Variants in FHIP2A observed in about 807,000 individuals in gnomAD.
FHIP2A encodes the protein FHF complex subunit HOOK interacting protein 2A, also known as family with sequence similarity 160 member B1.
A neutral mutation model predicts 93.5 loss-of-function variants in FHIP2A; 46 were observed. The observed-to-expected ratio is 0.49, with a 90% CI of 0.39 to 0.63. The LOEUF (loss-of-function observed/expected upper bound fraction) is 0.63. Ranked by LOEUF, FHIP2A falls within the 20% of genes least tolerant of loss-of-function variation. The pLI is 0.00. For synonymous variants in FHIP2A, 332 were observed against 326.5 expected, an observed-to-expected ratio of 1.02 and a Z score of -0.18; for missense variants, 769 against 909.7, an observed-to-expected ratio of 0.85 and a Z score of 1.99.
At position 114,862,219 on chromosome 10, in the gene FHIP2A, G is replaced by A. The variant is rs1258552932; in HGVS notation, c.*679G>A. ...CTTTTGTGCACATAGCCATGTTAGT[G>A]ATTTTCTTCATGTGTGGGTCCCAGT... On this transcript the variant is annotated 3_prime_UTR_variant, in exon 17 of 17. Transcript: ENST00000369248. 2 of 979,538 alleles carry A rather than the reference G, an allele frequency of 2.0e-6. No individual in the cohort carries two copies. The highest frequency in any genetic ancestry group is 6.2e-5 in the Admixed American group (1 of 16,242). 60.7% of individuals were successfully genotyped at this position (979,538 alleles called of 1,614,324 possible).
chr10:114,870,021 T>A (rs1219459362), intron 16 of FHIP2A, among the ~76,000 whole-genome samples: 1 of 152,202 alleles, frequency 6.6e-6, no homozygotes, highest in East Asian at 1.9e-4. Context: ...TAATTTGACA[T>A]AGATAATTCT....
intron 13 of FHIP2A, 96 bp downstream of exon 13, chr10:114,848,833 A>T: frequency 1.3e-6 from 1 of 777,122 alleles, no homozygotes; most frequent in Non-Finnish European, 2.1e-6. Flanking sequence ...CAAGGAAATG[A>T]CTTCATTCTT....
Position 114,833,263 on chromosome 10 carries a change from T to G in FHIP2A, c.155T>G (p.Ile52Ser). ...AAAGCCCCAGTGACCGATACAAATA[T>G]TCCATCGCATCTGGAACAGATGTTA... Reference protein sequence around the residue: ...DDKAPVTDTNIPSHLEQMLDI... With the variant: ...DDKAPVTDTNSPSHLEQMLDI... The change falls in exon 3 of 17, where the codon ATT becomes AGT. Residue 52 changes from isoleucine to serine, a missense_variant. By Grantham distance (142) the Ile-to-Ser change is moderately radical. Coordinates refer to ENST00000369248, the MANE Select transcript of FHIP2A (RefSeq NM_020940.4). The G allele has an allele frequency of 6.2e-7, 1 of 1,612,382 alleles. No individual in the cohort carries two copies. The highest frequency in any genetic ancestry group is 8.5e-7 in the Non-Finnish European group (1 of 1,179,314).
Position 114,855,298 on chromosome 10 carries a change from T to C in FHIP2A, c.1905T>C (p.Phe635=). Residue 635 remains phenylalanine (F), a synonymous_variant, in exon 14 of 17, where the codon TTT becomes TTC. Coordinates refer to ENST00000369248, the MANE Select transcript of FHIP2A (RefSeq NM_020940.4). ...AAGCTGCTTTCTTTGAAGGTCATTT[T>C]TTGAAAGTGCTGTTCGACAGAATGG... The part of the protein sequence containing the change: ...NLEAAFFEGH[F]LKVLFDRMGR... 1.5e-5 allele frequency: 25 copies of C among 1,614,090 alleles called. No individual in the cohort carries two copies. The highest frequency in any genetic ancestry group is 2.1e-5 in the Non-Finnish European group (25 of 1,179,926).
Position 114,848,660 on chromosome 10 carries a change from G to A in FHIP2A, c.1726G>A (p.Val576Ile). 6.2e-7 allele frequency: 1 copy of A among 1,609,836 alleles called. No homozygotes were observed. The highest frequency in any genetic ancestry group is 8.5e-7 in the Non-Finnish European group (1 of 1,177,654). ...HKIVNSFLCLVPDDAKSSYHV... is the reference protein window; with the variant it reads ...HKIVNSFLCLIPDDAKSSYHV... The stretch of plus-strand genomic sequence containing the variant: ...TTTTCATTTAAGTTTTCTCTGTCTG[G>A]TACCGGATGACGCAAAATCCTCCTA... The change falls in exon 13 of 17, where the codon GTA becomes ATA. Residue 576 changes from valine to isoleucine, a missense_variant. Coordinates refer to ENST00000369248, the MANE Select transcript of FHIP2A (RefSeq NM_020940.4).
chr10:114,894,517 G>A (rs942143), intron 16 of FHIP2A, among the ~76,000 whole-genome samples: 56 of 152,132 alleles, frequency 3.7e-4, no homozygotes, highest in African/African-American at 1.2e-3. Flanking sequence ...TGCAGTGAGC[G>A]GTGATTGTGC....
rs1467322058 is a variant in FHIP2A at position 114,821,886 on chromosome 10, C to A, written c.-193C>A. The A allele has an allele frequency of 1.0e-5, 3 of 297,382 alleles. No individual in the cohort carries two copies. In the Admixed American group the frequency reaches 1.6e-4, roughly 16 times the overall value. 18.4% of individuals were successfully genotyped at this position (297,382 alleles called of 1,614,324 possible). A position where few individuals can be genotyped will look rare whatever the true frequency, so the allele number is the denominator to read the frequency against. ...GCCGCCCGCCGCGTCCCGGCGCCCTCCGGAGCCGCCGAGCCGCCCGCGCAC... is the reference window on the plus strand; with the variant it reads ...GCCGCCCGCCGCGTCCCGGCGCCCTACGGAGCCGCCGAGCCGCCCGCGCAC... On this transcript the variant is annotated 5_prime_UTR_variant, in exon 1 of 17. Coordinates refer to ENST00000369248, the MANE Select transcript of FHIP2A (RefSeq NM_020940.4).
chr10:114,891,677 C>T lies in FHIP2A; in HGVS notation c.2193-7813C>T, dbSNP rs192731562. Among the ~76,000 whole-genome samples, 36 of 151,078 alleles carry T rather than the reference C, an allele frequency of 2.4e-4. 1 individual carries two copies. The highest frequency in any genetic ancestry group is 2.1e-3 in the East Asian group (11 of 5,130). The stretch of plus-strand genomic sequence containing the variant: ...TGTCGCCCAGGTTGGAGTGCAGTGG[C>T]GTGATCTCAGCTCACTGTAACCTCC... On this transcript the variant is annotated intron_variant, in intron 16 of 16. Transcript: ENST00000369250.
intron 16 of FHIP2A, among the ~76,000 whole-genome samples, chr10:114,874,751 G>A (rs979425391): frequency 3.3e-5 from 5 of 152,118 alleles, no homozygotes; most frequent in Admixed American, 6.5e-5. Context: ...AGATCCGCCC[G>A]CCTCTGCCTC....
In FHIP2A at chr10:114,878,204, G is replaced by GA. The variant is rs1314813747; in HGVS notation, c.2192+16876dup. Among the ~76,000 whole-genome samples, 39 of 152,246 alleles carry GA rather than the reference G, an allele frequency of 2.6e-4. No individual in the cohort carries two copies. In the Middle Eastern group the frequency reaches 0.01, roughly 40 times the overall value. On this transcript the variant is annotated intron_variant, in intron 16 of 16. Transcript: ENST00000369250. ...AAGATGACCATTTTCTTAGGGCTTA[G>GA]AAAAAATTTTAGAAGCATTATGAAT...
chr10:114,860,855 C>G lies in FHIP2A; in HGVS notation c.2054C>G (p.Pro685Arg). The G allele has an allele frequency of 6.2e-7, 1 of 1,613,706 alleles. No individual in the cohort carries two copies. The highest frequency in any genetic ancestry group is 8.5e-7 in the Non-Finnish European group (1 of 1,179,660). ...YLLDPYVNLA[P>R]GCRSLFSVIV... ...TTGGATCCTTACGTGAACCTCGCTC[C>G]TGGCTGTAGATCTCTCTTCTCTGTA... The change falls in exon 15 of 17, where the codon CCT (proline) becomes CGT (arginine). Residue 685 changes from proline to arginine, a missense_variant. Coordinates refer to ENST00000369248, the MANE Select transcript of FHIP2A (RefSeq NM_020940.4).
chr10:114,842,206 G>A (rs1231599373), intron 5 of FHIP2A, among the ~76,000 whole-genome samples: 2 of 151,996 alleles, frequency 1.3e-5, no homozygotes, highest in East Asian at 1.9e-4. Flanking sequence ...GACCATAGGT[G>A]CAAGCCACCA....
Position 114,862,772 on chromosome 10 carries a change from T to C in FHIP2A, c.*1232T>C, listed in dbSNP as rs2083807983. The C allele has an allele frequency of 1.0e-6, 1 of 985,480 alleles. No individual in the cohort carries two copies. The highest frequency in any genetic ancestry group is 1.2e-6 in the Non-Finnish European group (1 of 829,942). 61.0% of individuals were successfully genotyped at this position (985,480 alleles called of 1,614,324 possible). A position where few individuals can be genotyped will look rare whatever the true frequency, so the allele number is the denominator to read the frequency against. ...CTCAAATAATGCTTTTAAGCTATTGTTTGTTTTTATTTGACATGTTAAGCC... is the reference window on the plus strand; with the variant it reads ...CTCAAATAATGCTTTTAAGCTATTGCTTGTTTTTATTTGACATGTTAAGCC... On this transcript the variant is annotated 3_prime_UTR_variant, in exon 17 of 17. Coordinates refer to ENST00000369248, the MANE Select transcript of FHIP2A (RefSeq NM_020940.4).
intron 16 of FHIP2A, among the ~76,000 whole-genome samples, chr10:114,896,501 C>T (rs2084002178): frequency 6.6e-6 from 1 of 152,184 alleles, no homozygotes; most frequent in Admixed American, 6.5e-5. Context: ...GCCCACAGGC[C>T]TCCCATTCTA....
chr10:114,871,419 T>C (rs1045565604), intron 16 of FHIP2A, among the ~76,000 whole-genome samples: 3 of 152,072 alleles, frequency 2.0e-5, no homozygotes, highest in African/African-American at 7.2e-5. Flanking sequence ...AGTTCTACAT[T>C]TCTAGGGCCC....
At chr10:114,852,617 A>C (rs773711903) in intron 13 of FHIP2A, among the ~76,000 whole-genome samples, 1 of 152,126 alleles carries the variant, frequency 6.6e-6, no homozygotes, top group Non-Finnish European at 1.5e-5. Flanking sequence ...CCTAGTTTAC[A>C]TCTTTATTAC....
intron 16 of FHIP2A, among the ~76,000 whole-genome samples, chr10:114,875,188 A>AGAAGGACTGCTGTGCTGCG (rs1374859937): frequency 2.0e-5 from 3 of 152,298 alleles, no homozygotes; most frequent in East Asian, 3.9e-4. Flanking sequence ...GCTGTGCTGC[A>AGAAGGACTGCTGTGCTGCG]GAAGGACTGC....
At chr10:114,845,292 AT>A (rs2083694037) in intron 7 of FHIP2A, 74 bp from the exon 8 acceptor site, 1 of 820,412 alleles carries the variant, frequency 1.2e-6, no homozygotes. Flanking sequence ...ATGTGCCTTC[AT>A]TTTTCCATAC....
rs2083818296 is a variant in FHIP2A, at chr10:114,864,403, T to C, written c.*2863T>C. On this transcript the variant is annotated 3_prime_UTR_variant, in exon 17 of 17. Coordinates refer to ENST00000369248, the MANE Select transcript of FHIP2A (RefSeq NM_020940.4). ...CATGTCATTGTGACACTTTATGTGTTAAAACATGGTAGATAATCACATTTT... is the reference window on the plus strand; with the variant it reads ...CATGTCATTGTGACACTTTATGTGTCAAAACATGGTAGATAATCACATTTT... 1.0e-6 allele frequency: 1 copy of C among 985,594 alleles called. No individual in the cohort carries two copies. Among genetic ancestry groups the C allele is most frequent in the Non-Finnish European group, 1.2e-6 (1 of 829,768 alleles). 61.1% of individuals were successfully genotyped at this position (985,594 alleles called of 1,614,324 possible).
Sources: gnomAD v4.1 joint callset for allele counts (sites outside exome capture counted in the v4.1 genomes callset) on GRCh38, gnomAD v4.1.1 for gene constraint, MANE v1.5 for transcripts, NCBI Gene and HGNC (gene_info 2026-07-23, HGNC 2026-07-21) for gene names.